The following CNTNAP2 variants were observed in gnomAD, a reference collection of about 807,000 sequenced individuals.
CNTNAP2 encodes the protein contactin associated protein 2, also known as contactin-associated protein-like 2.
A neutral mutation model predicts 155.2 loss-of-function variants in CNTNAP2; 98 were observed. The ratio of observed to expected loss-of-function variants is 0.63; its 90% CI spans 0.54 to 0.75. The LOEUF is 0.75. Ranked by LOEUF, CNTNAP2 falls within the 30% of genes least tolerant of loss-of-function variation. The pLI is 0.00. For synonymous variants in CNTNAP2, 651 were observed against 631.2 expected (o/e 1.03, Z -0.47); for missense variants, 1,727 against 1,688.1 (o/e 1.02, Z -0.40).
At chr7:147,001,769 GA>G (rs538206983) in intron 3 of CNTNAP2, among the ~76,000 whole-genome samples, 1 of 149,564 alleles carries the variant, frequency 6.7e-6, no homozygotes, top group South Asian at 2.1e-4. Context: ...TCAGGTATTT[GA>G]AAAAAAAGAA....
At chr7:146,553,799 G>A (rs1298519233) in intron 1 of CNTNAP2, among the ~76,000 whole-genome samples, 8 of 151,908 alleles carry the variant, frequency 5.3e-5, no homozygotes, top group East Asian at 1.9e-4. Context: ...ACATTCATAC[G>A]TAAGTGTGAG....
intron 11 of CNTNAP2, among the ~76,000 whole-genome samples, chr7:147,561,441 G>A (rs1281181171): frequency 6.6e-6 from 1 of 152,146 alleles, no homozygotes; most frequent in East Asian, 1.9e-4. Context: ...TCTGAAAACA[G>A]GTGCAGTCTC....
intron 9 of CNTNAP2, among the ~76,000 whole-genome samples, chr7:147,358,751 T>C (rs10246974): frequency 0.18 from 26,707 of 152,118 alleles, 2,521 homozygotes; most frequent in African/African-American, 0.23. Context: ...TATGTAGTTA[T>C]TATAATAATG....
intron 12 of CNTNAP2, among the ~76,000 whole-genome samples, chr7:147,605,431 G>T (rs1174572655): frequency 6.6e-6 from 1 of 152,144 alleles, no homozygotes; most frequent in Non-Finnish European, 1.5e-5. Flanking sequence ...GGCTTCTAAG[G>T]GTGGTGGTGA....
chr7:146,461,675 CT>C (rs1796639930), intron 1 of CNTNAP2, among the ~76,000 whole-genome samples: 1 of 152,182 alleles, frequency 6.6e-6, no homozygotes, highest in African/African-American at 2.4e-5. Flanking sequence ...GGTCCCTTAC[CT>C]TTTGACTCCG....
At chr7:147,197,852 G>T (rs1259572008) in intron 8 of CNTNAP2, among the ~76,000 whole-genome samples, 1 of 152,020 alleles carries the variant, frequency 6.6e-6, no homozygotes, top group East Asian at 1.9e-4. Flanking sequence ...TATTCTTTCA[G>T]TAACTTTTGT....
At chr7:146,590,093 G>A (rs1003673850) in intron 1 of CNTNAP2, among the ~76,000 whole-genome samples, 2 of 152,070 alleles carry the variant, frequency 1.3e-5, no homozygotes, top group African/African-American at 2.4e-5. Flanking sequence ...TTCCGGCTTC[G>A]TTGTCTTCTC....
chr7:146,483,498 TGTGTGTGTGTGC>T (rs1797010151), intron 1 of CNTNAP2, among the ~76,000 whole-genome samples: 2 of 149,506 alleles, frequency 1.3e-5, no homozygotes, highest in South Asian at 4.2e-4. Flanking sequence ...AGCTTGTTTG[TGTGTGTGTGTGC>T]GTGTGTGTGT....
chr7:147,253,388 T>G (rs985542404), intron 8 of CNTNAP2, among the ~76,000 whole-genome samples: 9 of 151,770 alleles, frequency 5.9e-5, no homozygotes, highest in Non-Finnish European at 1.2e-4. Flanking sequence ...TCTCTGTTTT[T>G]TTTTTTTTTT....
At chr7:147,139,585 T>A (rs1193897189) in intron 8 of CNTNAP2, among the ~76,000 whole-genome samples, 1 of 152,034 alleles carries the variant, frequency 6.6e-6, no homozygotes, top group Non-Finnish European at 1.5e-5. Flanking sequence ...TGAGATAGTA[T>A]CATTGCCCAG....
intron 3 of CNTNAP2, among the ~76,000 whole-genome samples, chr7:147,040,309 G>C (rs1444149286): frequency 6.6e-6 from 1 of 152,140 alleles, no homozygotes; most frequent in Non-Finnish European, 1.5e-5. Flanking sequence ...TGAATGAAAG[G>C]TGAATGAATA....
chr7:148,382,364 A>G (rs1431895486), intron 21 of CNTNAP2, among the ~76,000 whole-genome samples: 2 of 152,312 alleles, frequency 1.3e-5, no homozygotes, highest in Admixed American at 6.5e-5. Flanking sequence ...TGTAGACTCC[A>G]TGTTAAATTG....
chr7:146,485,394 T>G (rs1373257134), intron 1 of CNTNAP2, among the ~76,000 whole-genome samples: 1 of 152,120 alleles, frequency 6.6e-6, no homozygotes, highest in Non-Finnish European at 1.5e-5. Context: ...TCTAAGAAAT[T>G]TGAATAATGA....
chr7:147,393,091 A>C (rs988670846), intron 9 of CNTNAP2, among the ~76,000 whole-genome samples: 1 of 152,058 alleles, frequency 6.6e-6, no homozygotes, highest in Non-Finnish European at 1.5e-5. Flanking sequence ...TTGTTCACAG[A>C]AGTCAGGCCT....
chr7:146,723,165 C>G (rs1041512481), intron 1 of CNTNAP2, among the ~76,000 whole-genome samples: 3 of 152,034 alleles, frequency 2.0e-5, no homozygotes, highest in Admixed American at 1.3e-4. Flanking sequence ...GGTGTCCTTA[C>G]AAGAACAGAA....
chr7:147,245,005 A>C (rs952029859), intron 8 of CNTNAP2, among the ~76,000 whole-genome samples: 3 of 152,174 alleles, frequency 2.0e-5, no homozygotes. Flanking sequence ...AAAGGCACTG[A>C]AAACGAAATT....
chr7:147,430,481 T>C (rs1440191407), intron 10 of CNTNAP2, among the ~76,000 whole-genome samples: 1 of 152,178 alleles, frequency 6.6e-6, no homozygotes, highest in Non-Finnish European at 1.5e-5. Flanking sequence ...TGCATATATC[T>C]TTTGCCAGTA....
At chr7:148,362,944 T>C (rs1180986732) in intron 21 of CNTNAP2, among the ~76,000 whole-genome samples, 1 of 152,222 alleles carries the variant, frequency 6.6e-6, no homozygotes, top group African/African-American at 2.4e-5. Flanking sequence ...TCTTTTCATT[T>C]TCCCTACAGT....
intron 10 of CNTNAP2, among the ~76,000 whole-genome samples, chr7:147,409,870 C>T (rs1290035987): frequency 6.6e-6 from 1 of 150,908 alleles, no homozygotes; most frequent in East Asian, 1.9e-4. Flanking sequence ...TCAGGCTAGT[C>T]AAAATGGCTA....
Sources: allele counts gnomAD v4.1 joint callset (sites outside exome capture counted in the v4.1 genomes callset), GRCh38; gene constraint gnomAD v4.1.1; transcripts MANE v1.5; gene names NCBI Gene and HGNC (gene_info 2026-07-23, HGNC 2026-07-21).